PTPRD: variants seen among roughly 807,000 people sequenced by gnomAD.
PTPRD encodes protein tyrosine phosphatase receptor type D.
A neutral mutation model predicts 214.5 loss-of-function variants in PTPRD; 34 were observed. The observed-to-expected ratio is 0.16, with a 90% CI of 0.12 to 0.21. The LOEUF is 0.21. PTPRD is among the 10% of genes least tolerant of loss of function. The probability of loss-of-function intolerance (pLI) is 1.00; values close to 1 mark genes in which losing one functional copy is unlikely to be tolerated. For synonymous variants in PTPRD, 1,128 were observed against 845.7 expected (o/e 1.33, Z -5.79); for missense variants, 2,545 against 2,398.7 (o/e 1.06, Z -1.27).
chr9:9,620,989 A>G (rs2095210931), intron 7 of PTPRD, among the ~76,000 whole-genome samples: 1 of 152,126 alleles, frequency 6.6e-6, no homozygotes, highest in Non-Finnish European at 1.5e-5. Context: ...TCATACCAAT[A>G]GTGTTTGATG....
At chr9:10,116,275 G>T (rs776809257) in intron 3 of PTPRD, among the ~76,000 whole-genome samples, 1 of 152,050 alleles carries the variant, frequency 6.6e-6, no homozygotes, top group African/African-American at 2.4e-5. Context: ...GATTATTAGT[G>T]TTTATGCTTC....
chr9:9,544,829 T>A (rs1466868635), intron 8 of PTPRD, among the ~76,000 whole-genome samples: 1 of 151,750 alleles, frequency 6.6e-6, no homozygotes, highest in Admixed American at 6.6e-5. Context: ...AATTTTATTA[T>A]AGTTCAACTA....
intron 3 of PTPRD, among the ~76,000 whole-genome samples, chr9:10,303,136 C>T (rs145158564): frequency 3.9e-5 from 6 of 152,242 alleles, no homozygotes; most frequent in African/African-American, 1.4e-4. Context: ...TACATATAAG[C>T]TGAACAATGT....
intron 3 of PTPRD, among the ~76,000 whole-genome samples, chr9:10,169,693 T>C (rs2099188455): frequency 6.6e-6 from 1 of 152,134 alleles, no homozygotes; most frequent in Non-Finnish European, 1.5e-5. Flanking sequence ...ACTTCTTCTA[T>C]AGCTGCAGGA....
intron 2 of PTPRD, among the ~76,000 whole-genome samples, chr9:10,514,763 G>A (rs1030378393): frequency 3.2e-4 from 49 of 151,910 alleles, no homozygotes; most frequent in African/African-American, 1.2e-3. Flanking sequence ...TGTTGTTGAT[G>A]TATCCAGATT....
At chr9:10,078,292 T>C (rs13292663) in intron 3 of PTPRD, among the ~76,000 whole-genome samples, 60,170 of 147,704 alleles carry the variant, frequency 0.41, 12,936 homozygotes, top group African/African-American at 0.56. Flanking sequence ...GTGGGCAGAT[T>C]GCGAGGTCAG....
At chr9:8,671,239 T>G (rs931953621) in intron 12 of PTPRD, among the ~76,000 whole-genome samples, 1 of 152,188 alleles carries the variant, frequency 6.6e-6, no homozygotes, top group African/African-American at 2.4e-5. Flanking sequence ...CTCATTTAAT[T>G]TTTTAAAAAT....
At chr9:10,264,510 G>A (rs1006753030) in intron 3 of PTPRD, among the ~76,000 whole-genome samples, 1 of 152,092 alleles carries the variant, frequency 6.6e-6, no homozygotes, top group Non-Finnish European at 1.5e-5. Context: ...ACTTGCATGG[G>A]GCCTTTAGTC....
intron 3 of PTPRD, among the ~76,000 whole-genome samples, chr9:10,133,026 T>G (rs1195468371): frequency 6.6e-6 from 1 of 152,154 alleles, no homozygotes; most frequent in Admixed American, 6.6e-5. Flanking sequence ...CTAGAGGAAG[T>G]CAACTTCCAT....
At chr9:9,401,234 T>C (rs2070311661) in intron 8 of PTPRD, among the ~76,000 whole-genome samples, 1 of 152,096 alleles carries the variant, frequency 6.6e-6, no homozygotes, top group Non-Finnish European at 1.5e-5. Context: ...ATCACTGAAA[T>C]ACATACATGC....
At chr9:9,376,623 T>C (rs936681410) in intron 9 of PTPRD, among the ~76,000 whole-genome samples, 5 of 151,984 alleles carry the variant, frequency 3.3e-5, no homozygotes, top group African/African-American at 1.2e-4. Context: ...CTTTAAGATA[T>C]GAAATGAAAC....
rs73422343 is a variant in PTPRD at position 8,438,189 on chromosome 9, T to C, written c.3989-1500A>G. Reference sequence around the variant, plus strand: ...TACTTTAAGAGCATTTTAGGAATTATACCATTGTTAAAAGTCACCCAGTAA... The same window carrying C: ...TACTTTAAGAGCATTTTAGGAATTACACCATTGTTAAAAGTCACCCAGTAA... On this transcript the variant is annotated intron_variant, in intron 34 of 45. Coordinates refer to ENST00000381196, the MANE Select transcript of PTPRD (RefSeq NM_002839.4). Among the ~76,000 whole-genome samples, 916 of 152,310 alleles carry C rather than the reference T, an allele frequency of 6.0e-3. 10 individuals carry two copies. The highest frequency in any genetic ancestry group is 0.021 in the African/African-American group (876 of 41,566).
At chr9:8,342,766 C>T (rs1216236173) in intron 39 of PTPRD, among the ~76,000 whole-genome samples, 3 of 152,000 alleles carry the variant, frequency 2.0e-5, no homozygotes, top group Admixed American at 6.6e-5. Flanking sequence ...GGGGATACGA[C>T]ATAAAGATGA....
Position 8,843,199 on chromosome 9 carries a change from GT to G in PTPRD, c.-103-109254del, listed in dbSNP as rs1302329781. The stretch of plus-strand genomic sequence containing the variant: ...AGGTGGAACTGATAGTACTATATTT[GT>G]TCCTTTATTTGATTTCCATGGAAGT... On this transcript the variant is annotated intron_variant, in intron 11 of 45. Coordinates refer to ENST00000381196, the MANE Select transcript of PTPRD (RefSeq NM_002839.4). 2.6e-5 allele frequency among the ~76,000 whole-genome samples: 4 copies of G among 152,292 alleles called. No homozygotes were observed. The East Asian group carries it at 7.7e-4, about 29-fold the overall frequency.
chr9:8,833,509 T>C (rs2097341227), intron 11 of PTPRD, among the ~76,000 whole-genome samples: 1 of 149,588 alleles, frequency 6.7e-6, no homozygotes, highest in Non-Finnish European at 1.5e-5. Context: ...ATATTCAGGC[T>C]GTAACATAAT....
chr9:8,362,363 T>A (rs1318126699), intron 39 of PTPRD, among the ~76,000 whole-genome samples: 1 of 152,170 alleles, frequency 6.6e-6, no homozygotes, highest in Non-Finnish European at 1.5e-5. Context: ...CAGACTATAG[T>A]ACCTCAGAGA....
intron 39 of PTPRD, among the ~76,000 whole-genome samples, chr9:8,372,779 A>T (rs1463323147): frequency 2.6e-5 from 4 of 151,942 alleles, no homozygotes; most frequent in Non-Finnish European, 4.4e-5. Flanking sequence ...TCTTTTACTT[A>T]ATGGCTCATT....
At chr9:9,685,854 A>C (rs527581812) in intron 7 of PTPRD, among the ~76,000 whole-genome samples, 16 of 151,476 alleles carry the variant, frequency 1.1e-4, no homozygotes, top group Non-Finnish European at 2.1e-4. Context: ...ATTATATACC[A>C]GTAACTTTGA....
At chr9:9,017,112 C>T (rs2099539030) in intron 11 of PTPRD, among the ~76,000 whole-genome samples, 1 of 151,980 alleles carries the variant, frequency 6.6e-6, no homozygotes, top group African/African-American at 2.4e-5. Context: ...GTAAGATTAT[C>T]ATCGCAACAA....
Sources: allele counts gnomAD v4.1 joint callset (sites outside exome capture counted in the v4.1 genomes callset), GRCh38; gene constraint gnomAD v4.1.1; transcripts MANE v1.5; gene names NCBI Gene and HGNC (gene_info 2026-07-23, HGNC 2026-07-21).